The following SPECC1L variants were observed in gnomAD, a reference collection of about 807,000 sequenced individuals.
SPECC1L encodes the protein sperm antigen with calponin homology and coiled-coil domains 1 like.
A neutral mutation model predicts 116.8 loss-of-function variants in SPECC1L; 40 were observed. The ratio of observed to expected loss-of-function variants is 0.34; its 90% CI spans 0.27 to 0.45. SPECC1L has a LOEUF of 0.45. SPECC1L is among the 20% of genes least tolerant of loss of function. The pLI is 1.00. For synonymous variants in SPECC1L, 504 were observed against 500.6 expected (o/e 1.01, Z -0.09); for missense variants, 1,110 against 1,373.6 (o/e 0.81, Z 3.03).
intron 4 of SPECC1L, among the ~76,000 whole-genome samples, chr22:24,320,043 G>A (rs552536806): frequency 5.3e-5 from 8 of 152,312 alleles, no homozygotes; most frequent in South Asian, 2.1e-4. Flanking sequence ...GGAGACCGAC[G>A]CGGGCAGATC....
In SPECC1L at chr22:24,335,701, C is replaced by T. The variant is rs147390087; in HGVS notation, c.2560+1128C>T. 7.2e-5 allele frequency among the ~76,000 whole-genome samples: 11 copies of T among 152,288 alleles called. No individual in the cohort carries two copies. The East Asian group carries it at 1.9e-3, about 27-fold the overall frequency. On this transcript the variant is annotated intron_variant, in intron 9 of 16. Transcript: ENST00000314328. The stretch of plus-strand genomic sequence containing the variant: ...AAGCAGAGCAAAAGTCACATGTATA[C>T]TCCTACACACTGTTGGTGTAGACAT...
intron 11 of SPECC1L, among the ~76,000 whole-genome samples, chr22:24,350,751 C>T (rs2041404853): frequency 6.6e-6 from 1 of 152,182 alleles, no homozygotes; most frequent in Non-Finnish European, 1.5e-5. Context: ...CTAGTTCTGT[C>T]AATAGTCAGC....
intron 4 of SPECC1L, among the ~76,000 whole-genome samples, chr22:24,314,190 G>A (rs2040515532): frequency 2.0e-5 from 3 of 151,832 alleles, no homozygotes; most frequent in Admixed American, 2.0e-4. Context: ...GACTACAGGC[G>A]CCCACCACCA....
At chr22:24,280,112 A>C (rs62233067) in intron 2 of SPECC1L, among the ~76,000 whole-genome samples, 9 of 151,810 alleles carry the variant, frequency 5.9e-5, no homozygotes, top group African/African-American at 2.2e-4. Context: ...TCATCTGCTC[A>C]CTCTCTCCTT....
In SPECC1L at chr22:24,414,738, A is replaced by C. The variant is rs890470436; in HGVS notation, c.*115A>C. The stretch of plus-strand genomic sequence containing the variant: ...GCTTCCAGCAACTCTGGGCTGCCCC[A>C]CAGCGTGTGAGCCTCCAGCTCGGGG... On this transcript the variant is annotated 3_prime_UTR_variant, in exon 17 of 17. Transcript: ENST00000314328. 4 of 879,012 alleles carry C rather than the reference A, an allele frequency of 4.6e-6. No individual in the cohort carries two copies. Among genetic ancestry groups the C allele is most frequent in the Non-Finnish European group, 7.3e-6 (4 of 545,032 alleles). 54.5% of individuals were successfully genotyped at this position (879,012 alleles called of 1,614,324 possible).
rs781100664 is a variant in SPECC1L at position 24,322,162 on chromosome 22, T to A, written c.1182T>A (p.Ala394=). 1 of 1,613,860 alleles carries A rather than the reference T, an allele frequency of 6.2e-7. No homozygotes were observed. Among genetic ancestry groups the A allele is most frequent in the South Asian group, 1.1e-5 (1 of 91,076 alleles). The change falls in exon 5 of 17, where the codon GCT becomes GCA. Residue 394 remains alanine (A), a synonymous_variant. Coordinates refer to ENST00000314328, the MANE Select transcript of SPECC1L (RefSeq NM_015330.6). ...SSGNASEVSV[A]CLTERIHQME... is the part of the protein sequence containing the mutation. Reference sequence around the variant, plus strand: ...GGAATGCCAGTGAAGTGTCCGTGGCTTGCCTGACTGAACGGATACACCAGA... The same window carrying A: ...GGAATGCCAGTGAAGTGTCCGTGGCATGCCTGACTGAACGGATACACCAGA...
At chr22:24,355,815 C>T (rs1184867899) in intron 11 of SPECC1L, among the ~76,000 whole-genome samples, 1 of 151,072 alleles carries the variant, frequency 6.6e-6, no homozygotes, top group Non-Finnish European at 1.5e-5. Context: ...CTCCCTCCCT[C>T]CCCCCGTTCT....
intron 9 of SPECC1L, among the ~76,000 whole-genome samples, chr22:24,336,092 A>G (rs1388656850): frequency 1.3e-5 from 2 of 152,086 alleles, no homozygotes; most frequent in African/African-American, 4.8e-5. Flanking sequence ...GACAGTTATG[A>G]CCAATTAATA....
chr22:24,299,075 C>G (rs1355119708), intron 2 of SPECC1L, among the ~76,000 whole-genome samples: 1 of 152,092 alleles, frequency 6.6e-6, no homozygotes, highest in Non-Finnish European at 1.5e-5. Flanking sequence ...TTCAGTGATT[C>G]AACTTAGAGA....
chr22:24,400,529 G>T (rs1201202058), intron 14 of SPECC1L, among the ~76,000 whole-genome samples: 1 of 152,158 alleles, frequency 6.6e-6, no homozygotes, highest in East Asian at 1.9e-4. Flanking sequence ...TGCTGGGAAC[G>T]TTCCTGTACA....
intron 8 of SPECC1L, among the ~76,000 whole-genome samples, chr22:24,331,507 C>G (rs1277906196): frequency 6.6e-6 from 1 of 152,134 alleles, no homozygotes; most frequent in Non-Finnish European, 1.5e-5. Flanking sequence ...GAATGAAATT[C>G]TACTGTTAAA....
intron 1 of SPECC1L, among the ~76,000 whole-genome samples, chr22:24,274,456 A>G (rs1280570158): frequency 6.6e-6 from 1 of 152,250 alleles, no homozygotes; most frequent in Admixed American, 6.5e-5. Flanking sequence ...TCTTGAAATG[A>G]AATTAATAAT....
In SPECC1L at chr22:24,322,503, A is replaced by G; in HGVS notation, c.1523A>G (p.Gln508Arg). 1 of 1,614,178 alleles carries G rather than the reference A, an allele frequency of 6.2e-7. No homozygotes were observed. The highest frequency in any genetic ancestry group is 8.5e-7 in the Non-Finnish European group (1 of 1,180,036). Reference protein sequence around the residue: ...LAENARFEREQLLGVQQHLSN... With the variant: ...LAENARFERERLLGVQQHLSN... ...GAGAATGCCCGTTTTGAACGGGAGC[A>G]GCTTCTTGGTGTCCAGCAGCATTTA... The change falls in exon 5 of 17, where the codon CAG (glutamine) becomes CGG (arginine). Residue 508 changes from glutamine to arginine, a missense_variant. By Grantham distance (43) the Gln-to-Arg change is conservative (BLOSUM62 1). Around this residue, in one of 4 missense-constraint regions of SPECC1L, gnomAD observed 575 missense variants for 682.4 expected, o/e 0.84. Coordinates refer to ENST00000314328, the MANE Select transcript of SPECC1L (RefSeq NM_015330.6).
At chr22:24,336,873 G>T (rs909358382) in intron 9 of SPECC1L, among the ~76,000 whole-genome samples, 1 of 152,148 alleles carries the variant, frequency 6.6e-6, no homozygotes, top group Non-Finnish European at 1.5e-5. Context: ...TTACAGTAGT[G>T]CCAGCGATAC....
chr22:24,294,835 G>T (rs1000451237), intron 2 of SPECC1L, among the ~76,000 whole-genome samples: 1 of 152,148 alleles, frequency 6.6e-6, no homozygotes, highest in African/African-American at 2.4e-5. Context: ...TAGTAGTCAG[G>T]ATCCTCCCAC....
intron 3 of SPECC1L, among the ~76,000 whole-genome samples, chr22:24,306,848 T>G (rs117172158): frequency 4.6e-5 from 7 of 152,280 alleles, no homozygotes; most frequent in Non-Finnish European, 8.8e-5. Flanking sequence ...ACCATTCTAC[T>G]TTCTGTCTCT....
intron 1 of SPECC1L, among the ~76,000 whole-genome samples, chr22:24,275,654 C>G (rs889840401): frequency 1.1e-4 from 16 of 148,470 alleles, no homozygotes; most frequent in African/African-American, 4.0e-4. Context: ...CTAAGGAAAA[C>G]AAAAAGTTAA....
intron 3 of SPECC1L, among the ~76,000 whole-genome samples, chr22:24,305,510 T>G (rs893972933): frequency 5.9e-5 from 9 of 151,950 alleles, no homozygotes; most frequent in African/African-American, 1.9e-4. Flanking sequence ...TCATTGTTGG[T>G]TAGTAATCCA....
intron 14 of SPECC1L, among the ~76,000 whole-genome samples, chr22:24,383,744 C>T (rs188434407): frequency 5.3e-4 from 77 of 146,620 alleles, no homozygotes; most frequent in Admixed American, 2.3e-3. Context: ...TCAAGTGATG[C>T]TCCTGCCTTA....
Sources: allele counts gnomAD v4.1 joint callset (sites outside exome capture counted in the v4.1 genomes callset), GRCh38; gene constraint gnomAD v4.1.1; regional missense constraint gnomAD v4.1.1; transcripts MANE v1.5; gene names NCBI Gene and HGNC (gene_info 2026-07-23, HGNC 2026-07-21).